Variants in PRKCE observed in about 807,000 individuals in gnomAD.
PRKCE encodes protein kinase C epsilon.
Under a neutral mutation model 85.4 loss-of-function variants are expected in PRKCE, and 16 were observed. The observed-to-expected ratio is 0.19, with a 90% CI of 0.13 to 0.28. The LOEUF is 0.28. Among genes scored for constraint, PRKCE ranks in the 10% least tolerant of loss-of-function variants. The pLI, the probability that PRKCE is intolerant of heterozygous loss-of-function variation, is 1.00. For missense variants in PRKCE, 573 were observed against 975.2 expected (o/e 0.59, Z 5.49); for synonymous variants, 388 against 371.5 (o/e 1.04, Z -0.51).
At chr2:46,100,722 AT>A (rs1014775634) in intron 11 of PRKCE, among the ~76,000 whole-genome samples, 9 of 152,232 alleles carry the variant, frequency 5.9e-5, no homozygotes, top group African/African-American at 2.2e-4. Context: ...GCAGACATTC[AT>A]TTATTCACTC....
intron 2 of PRKCE, among the ~76,000 whole-genome samples, chr2:45,888,418 C>T (rs926458873): frequency 5.9e-5 from 9 of 151,390 alleles, no homozygotes; most frequent in Non-Finnish European, 1.0e-4. Context: ...ACTGGAAAGC[C>T]TCATGCCTCA....
At chr2:45,755,106 A>G (rs185050470) in intron 1 of PRKCE, among the ~76,000 whole-genome samples, 1 of 152,324 alleles carries the variant, frequency 6.6e-6, no homozygotes, top group African/African-American at 2.4e-5. Context: ...GGCACACAGC[A>G]GTCCTCTCTG....
intron 1 of PRKCE, among the ~76,000 whole-genome samples, chr2:45,746,764 A>G (rs1683170807): frequency 6.6e-6 from 1 of 152,098 alleles, no homozygotes; most frequent in African/African-American, 2.4e-5. Context: ...TTCATTCAAG[A>G]CTGCTTGACA....
At chr2:45,664,049 A>G (rs72884441) in intron 1 of PRKCE, among the ~76,000 whole-genome samples, 7,556 of 152,308 alleles carry the variant, frequency 0.05, 355 homozygotes, top group African/African-American at 0.13. Context: ...TGCTTGGAGC[A>G]AAGTGTTGAA....
chr2:45,652,481 C>G lies in PRKCE; in HGVS notation c.348+33C>G. On this transcript the variant is annotated intron_variant, in intron 1 of 14. Transcript: ENST00000306156. The surrounding 1 kb of genome is among the most constrained non-coding windows in gnomAD (Gnocchi z 7.7). The stretch of plus-strand genomic sequence containing the variant: ...CGGCGCCTCCCCGTCATTCCGGGAA[C>G]CCGGTTGTGGGGTCCCGGGGAAAGA... 3 of 1,558,692 alleles carry G rather than the reference C, an allele frequency of 1.9e-6. No homozygotes were observed. Among genetic ancestry groups the G allele is most frequent in the Non-Finnish European group, 2.6e-6 (3 of 1,151,208 alleles).
intron 1 of PRKCE, among the ~76,000 whole-genome samples, chr2:45,723,707 C>T (rs1288065349): frequency 2.0e-5 from 3 of 152,158 alleles, no homozygotes; most frequent in East Asian, 3.8e-4. Context: ...CGGTTTCAAG[C>T]GATTCTCCTG....
chr2:46,172,636 T>C (rs894805131), intron 14 of PRKCE, among the ~76,000 whole-genome samples: 1 of 152,252 alleles, frequency 6.6e-6, no homozygotes, highest in African/African-American at 2.4e-5. Flanking sequence ...TGACTTCACC[T>C]GCACTTAGAA....
In PRKCE at chr2:45,732,601, C is replaced by T. The variant is rs576460645; in HGVS notation, c.348+80153C>T. ...GTGGTAACAATAATCATTATAATAT[C>T]TTAGATGCTGCTTCCTCCAGGAAGT... On this transcript the variant is annotated intron_variant, in intron 1 of 14. Coordinates refer to ENST00000306156, the MANE Select transcript of PRKCE (RefSeq NM_005400.3). Among the ~76,000 whole-genome samples the T allele has an allele frequency of 2.6e-4, 40 of 152,278 alleles. 1 individual carries two copies. Among genetic ancestry groups the T allele is most frequent in the African/African-American group, 9.6e-4 (40 of 41,540 alleles).
At position 45,651,955 on chromosome 2, in the gene PRKCE, G is replaced by A. The variant is rs1023026345; in HGVS notation, c.-146G>A. ...GGCTGAGAATCGCCCGCGCCAGGGC[G>A]CAACGCCACAAGGTGTAGGGAGTGT... On this transcript the variant is annotated 5_prime_UTR_variant, in exon 1 of 15. Coordinates refer to ENST00000306156, the MANE Select transcript of PRKCE (RefSeq NM_005400.3). 1.6e-6 allele frequency: 1 copy of A among 623,254 alleles called. No individual in the cohort carries two copies. The highest frequency in any genetic ancestry group is 2.3e-5 in the South Asian group (1 of 42,960). The allele number at this position is 623,254 out of a possible 1,614,324, so 38.6% of individuals were successfully genotyped here. A position where few individuals can be genotyped will look rare whatever the true frequency, so the allele number is the denominator to read the frequency against.
chr2:45,873,455 C>CAAAAAAAAA (rs56281653), intron 2 of PRKCE, among the ~76,000 whole-genome samples: 11 of 143,810 alleles, frequency 7.6e-5, no homozygotes, highest in Admixed American at 1.4e-4. Context: ...TAGTAGACTG[C>CAAAAAAAAA]AAAAAAAAAA....
intron 12 of PRKCE, among the ~76,000 whole-genome samples, chr2:46,150,431 T>C (rs140329006): frequency 2.8e-3 from 423 of 152,314 alleles, no homozygotes; most frequent in Non-Finnish European, 4.3e-3. Context: ...GGAATCATGA[T>C]GAACAATAGA....
intron 10 of PRKCE, among the ~76,000 whole-genome samples, chr2:46,049,161 G>T (rs575485121): frequency 5.9e-5 from 9 of 152,162 alleles, no homozygotes; most frequent in Non-Finnish European, 1.2e-4. Flanking sequence ...CTTGGGGCAA[G>T]ATTGTCCGGG....
intron 1 of PRKCE, among the ~76,000 whole-genome samples, chr2:45,768,352 G>A (rs374030435): frequency 6.6e-6 from 1 of 152,200 alleles, no homozygotes; most frequent in African/African-American, 2.4e-5. Context: ...AAATGACATC[G>A]TCTATGTGTG....
At chr2:46,114,939 T>A (rs555875982) in intron 11 of PRKCE, among the ~76,000 whole-genome samples, 55 of 152,298 alleles carry the variant, frequency 3.6e-4, no homozygotes, top group African/African-American at 1.3e-3. Flanking sequence ...TAGGGATCTT[T>A]CTTATGATTA....
At chr2:45,927,165 A>G (rs375690152) in intron 2 of PRKCE, among the ~76,000 whole-genome samples, 126 of 151,798 alleles carry the variant, frequency 8.3e-4, no homozygotes, top group African/African-American at 2.8e-3. Flanking sequence ...ACAGGATGGT[A>G]AGAAGTATAG....
chr2:45,932,413 T>A (rs1471251018), intron 2 of PRKCE, among the ~76,000 whole-genome samples: 2 of 152,172 alleles, frequency 1.3e-5, no homozygotes. Flanking sequence ...CACGCTGGCA[T>A]TGAGTGCATA....
intron 2 of PRKCE, among the ~76,000 whole-genome samples, chr2:45,882,946 C>CACGT (rs1333346773): frequency 6.6e-6 from 1 of 152,250 alleles, no homozygotes; most frequent in Non-Finnish European, 1.5e-5. Flanking sequence ...AAAGGCTTGA[C>CACGT]ACGTGTTCAT....
At chr2:46,150,403 T>C (rs1378309873) in intron 12 of PRKCE, among the ~76,000 whole-genome samples, 1 of 152,212 alleles carries the variant, frequency 6.6e-6, no homozygotes, top group African/African-American at 2.4e-5. Context: ...AGTGGGGGAT[T>C]CTTCAGTGGA....
At chr2:45,785,807 G>A (rs191541342) in intron 1 of PRKCE, among the ~76,000 whole-genome samples, 2 of 152,320 alleles carry the variant, frequency 1.3e-5, no homozygotes, top group Admixed American at 6.5e-5. Context: ...AACCCAGGCC[G>A]AGGAAGCACA....
Sources: allele counts gnomAD v4.1 joint callset (sites outside exome capture counted in the v4.1 genomes callset), GRCh38; gene constraint gnomAD v4.1.1; non-coding constraint Gnocchi (gnomAD v3.1); transcripts MANE v1.5; gene names NCBI Gene and HGNC (gene_info 2026-07-23, HGNC 2026-07-21).